Variants in KDM6A observed in about 807,000 individuals in gnomAD.
KDM6A encodes the protein lysine demethylase 6A, also known as lysine-specific demethylase 6A.
A neutral mutation model predicts 117.6 loss-of-function variants in KDM6A; 11 were observed. The ratio of observed to expected loss-of-function variants is 0.09; its 90% confidence interval spans 0.06 to 0.15. KDM6A has a LOEUF of 0.15. Ranked by LOEUF, KDM6A falls within the 10% of genes least tolerant of loss-of-function variation. The probability of loss-of-function intolerance (pLI) is 1.00; values close to 1 mark genes in which losing one functional copy is unlikely to be tolerated. For missense variants in KDM6A, 799 were observed against 1,077.3 expected, an observed-to-expected ratio of 0.74 and a Z score of 3.62; for synonymous variants, 384 against 396.1, an observed-to-expected ratio of 0.97 and a Z score of 0.36.
Position 45,001,572 on chromosome X carries a change from G to T in KDM6A, c.385-9389G>T, listed in dbSNP as rs997697853. 1.1e-3 allele frequency among the ~76,000 whole-genome samples: 120 copies of T among 111,557 alleles called. 1 individual carries two copies. Among genetic ancestry groups the T allele is most frequent in the Non-Finnish European group, 1.2e-3 (62 of 53,185 alleles). Reference sequence around the variant, plus strand: ...TTTTCTGAAGTAGAGAGCTGTCTTTGACTTGGCAAGCACCCACGGGTATAA... The same window carrying T: ...TTTTCTGAAGTAGAGAGCTGTCTTTTACTTGGCAAGCACCCACGGGTATAA... On this transcript the variant is annotated intron_variant, in intron 4 of 29. Coordinates refer to ENST00000611820, the MANE Select transcript of KDM6A (RefSeq NM_001291415.2).
At chrX:45,110,880 A>G (rs1203238036) in intron 29 of KDM6A, among the ~76,000 whole-genome samples, 1 of 112,187 alleles carries the variant, frequency 8.9e-6, no homozygotes, top group Non-Finnish European at 1.9e-5. Flanking sequence ...GATTTTCTCC[A>G]GTACTTGTCT....
intron 17 of KDM6A, among the ~76,000 whole-genome samples, chrX:45,065,618 G>C (rs1049193438): frequency 8.9e-6 from 1 of 111,864 alleles, no homozygotes; most frequent in African/African-American, 3.3e-5. Context: ...GGAAGGTACA[G>C]CCAACAGGAT....
At chrX:45,099,603 T>C (rs1435260485) in intron 27 of KDM6A, among the ~76,000 whole-genome samples, 5 of 112,023 alleles carry the variant, frequency 4.5e-5, no homozygotes, top group Non-Finnish European at 9.4e-5. Context: ...CTGAGTAAAT[T>C]AAGTTTTACT....
chrX:45,110,899 T>C (rs1314866061), intron 29 of KDM6A, among the ~76,000 whole-genome samples: 1 of 112,102 alleles, frequency 8.9e-6, no homozygotes, highest in African/African-American at 3.2e-5. Context: ...CTCCCACACA[T>C]ATGTGATCAG....
intron 2 of KDM6A, among the ~76,000 whole-genome samples, chrX:44,891,487 T>C: frequency 8.9e-6 from 1 of 112,191 alleles, no homozygotes; most frequent in Non-Finnish European, 1.9e-5. Flanking sequence ...TCGATTTGTC[T>C]ACGTGCTTAT....
Position 45,063,449 on chromosome X carries a change from C to A in KDM6A, c.1711C>A (p.Arg571=), listed in dbSNP as rs397514628. ...QMRPTGVAQV[R]STGIPNGPTA... Reference sequence around the variant, plus strand: ...GAGACCAACAGGAGTTGCACAGGTACGATCTACTGGAATTCCTAATGGGCC... The same window carrying A: ...GAGACCAACAGGAGTTGCACAGGTAAGATCTACTGGAATTCCTAATGGGCC... The change falls in exon 17 of 30, where the codon CGA becomes AGA. Residue 571 remains arginine, a synonymous_variant. Transcript: ENST00000611820. The A allele has an allele frequency of 8.3e-7, 1 of 1,207,093 alleles. No individual in the cohort carries two copies. Among genetic ancestry groups the A allele is most frequent in the Non-Finnish European group, 1.1e-6 (1 of 894,611 alleles).
intron 17 of KDM6A, among the ~76,000 whole-genome samples, chrX:45,068,835 C>G (rs200818244): frequency 4.2e-5 from 3 of 71,343 alleles, no homozygotes; most frequent in African/African-American, 1.1e-4. Flanking sequence ...TTTCCCTTTC[C>G]CTTTCCCTTT....
intron 24 of KDM6A, among the ~76,000 whole-genome samples, chrX:45,084,059 T>C (rs749721612): frequency 4.5e-5 from 5 of 112,005 alleles, no homozygotes; most frequent in Admixed American, 9.5e-5. Flanking sequence ...ATTTAAAAAA[T>C]AAAGTGTAGG....
intron 28 of KDM6A, among the ~76,000 whole-genome samples, chrX:45,108,652 A>G (rs760740831): frequency 1.1e-4 from 11 of 102,613 alleles, no homozygotes; most frequent in South Asian, 4.8e-4. Flanking sequence ...TCATGCTGCT[A>G]TAAAGACACA....
chrX:44,974,084 A>G (rs1325593214), intron 3 of KDM6A, among the ~76,000 whole-genome samples: 3 of 111,153 alleles, frequency 2.7e-5, no homozygotes, highest in African/African-American at 9.8e-5. Flanking sequence ...TTAGCTGTCC[A>G]TATTTCATAA....
intron 4 of KDM6A, among the ~76,000 whole-genome samples, chrX:44,992,193 A>G (rs1285290962): frequency 2.1e-5 from 2 of 97,178 alleles, no homozygotes; most frequent in African/African-American, 7.3e-5. Context: ...AAATTTAGCA[A>G]TACTGTCTTC....
chrX:44,974,770 C>G, intron 4 of KDM6A, 55 bp downstream of exon 4: 6 of 842,986 alleles, frequency 7.1e-6, no homozygotes, highest in Non-Finnish European at 1.1e-5. Flanking sequence ...AGATTATTGC[C>G]AATTATACTC....
In KDM6A at chrX:44,979,823, A is replaced by G. The variant is rs780043550; in HGVS notation, c.384+5108A>G. ...TGAAAAGACTACACTTTGAAAATCTAGCATTTCTTCTTTGAAAAATATCAA... is the reference window on the plus strand; with the variant it reads ...TGAAAAGACTACACTTTGAAAATCTGGCATTTCTTCTTTGAAAAATATCAA... On this transcript the variant is annotated intron_variant, in intron 4 of 29. Coordinates refer to ENST00000611820, the MANE Select transcript of KDM6A (RefSeq NM_001291415.2). Among the ~76,000 whole-genome samples the G allele has an allele frequency of 2.7e-5, 3 of 110,029 alleles. No homozygotes were observed. In the South Asian group the frequency reaches 1.2e-3, roughly 43 times the overall value.
chrX:44,956,508 T>C (rs761385558), intron 2 of KDM6A, among the ~76,000 whole-genome samples: 1 of 110,509 alleles, frequency 9.0e-6, no homozygotes, highest in Non-Finnish European at 1.9e-5. Flanking sequence ...CAAGCCATCC[T>C]CCCGCTTCAA....
At chrX:44,989,104 T>C (rs1175242910) in intron 4 of KDM6A, among the ~76,000 whole-genome samples, 1 of 106,105 alleles carries the variant, frequency 9.4e-6, no homozygotes, top group Non-Finnish European at 1.9e-5. Context: ...GCCTCGGCAA[T>C]GGGGGCGCCC....
intron 2 of KDM6A, among the ~76,000 whole-genome samples, chrX:44,945,622 CTTAGACATTCAAG>C (rs1004562431): frequency 1.8e-5 from 2 of 111,270 alleles, no homozygotes; most frequent in African/African-American, 6.5e-5. Flanking sequence ...TGAATACGAG[CTTAGACATTCAAG>C]CTAAGTTGAA....
chrX:44,964,146 G>A (rs2038882379), intron 3 of KDM6A, among the ~76,000 whole-genome samples: 1 of 106,863 alleles, frequency 9.4e-6, no homozygotes, highest in Non-Finnish European at 1.9e-5. Flanking sequence ...CTTACAAAAT[G>A]TATTACTTTA....
At chrX:45,035,984 C>T (rs1385539631) in intron 7 of KDM6A, among the ~76,000 whole-genome samples, 2 of 111,889 alleles carry the variant, frequency 1.8e-5, no homozygotes, top group Non-Finnish European at 3.8e-5. Context: ...TAGGCGGGAG[C>T]CACCGCGCCC....
chrX:44,919,641 C>CTTTT (rs1204126878), intron 2 of KDM6A, among the ~76,000 whole-genome samples: 2 of 91,582 alleles, frequency 2.2e-5, no homozygotes, highest in African/African-American at 4.4e-5. Flanking sequence ...CAATATATAT[C>CTTTT]TTTTTTTTTT....
Sources: gnomAD v4.1 joint callset for allele counts (sites outside exome capture counted in the v4.1 genomes callset) on GRCh38, gnomAD v4.1.1 for gene constraint, MANE v1.5 for transcripts, NCBI Gene and HGNC (gene_info 2026-07-23, HGNC 2026-07-21) for gene names.